Variants in DLG2 observed in about 807,000 individuals in gnomAD.
DLG2 encodes discs large MAGUK scaffold protein 2.
Under a neutral mutation model 132.5 loss-of-function variants are expected in DLG2, and 45 were observed. The observed-to-expected ratio is 0.34, with a 90% CI of 0.27 to 0.44. DLG2 has a LOEUF of 0.44. Among genes scored for constraint, DLG2 ranks in the 20% least tolerant of loss-of-function variants. The pLI, the probability that DLG2 is intolerant of heterozygous loss-of-function variation, is 1.00. For synonymous variants in DLG2, 424 were observed against 419.6 expected (o/e 1.01, Z -0.13); for missense variants, 1,045 against 1,196.9 (o/e 0.87, Z 1.87).
At chr11:85,093,623 G>C (rs1411282372) in intron 6 of DLG2, among the ~76,000 whole-genome samples, 1 of 152,194 alleles carries the variant, frequency 6.6e-6, no homozygotes, top group Non-Finnish European at 1.5e-5. Context: ...GTCTTACCTG[G>C]TGACAGGTGA....
At chr11:83,977,246 G>A (rs1448849818) in intron 12 of DLG2, among the ~76,000 whole-genome samples, 2 of 151,876 alleles carry the variant, frequency 1.3e-5, no homozygotes, top group African/African-American at 4.8e-5. Context: ...TGCTTTTTGA[G>A]AATTTTTTTT....
At chr11:85,532,673 A>G (rs1266062989) in intron 3 of DLG2, among the ~76,000 whole-genome samples, 1 of 152,178 alleles carries the variant, frequency 6.6e-6, no homozygotes, top group Non-Finnish European at 1.5e-5. Context: ...TTTTTAACTT[A>G]ATCTGTTAAT....
At chr11:83,817,306 A>G (rs2049298958) in intron 17 of DLG2, among the ~76,000 whole-genome samples, 1 of 152,200 alleles carries the variant, frequency 6.6e-6, no homozygotes, top group African/African-American at 2.4e-5. Flanking sequence ...TTTAGAGAAT[A>G]TAACAATCTA....
chr11:84,548,998 T>C (rs1350764276), intron 6 of DLG2, among the ~76,000 whole-genome samples: 1 of 152,172 alleles, frequency 6.6e-6, no homozygotes, highest in African/African-American at 2.4e-5. Flanking sequence ...CATGATCAAG[T>C]ATTTGCTTTG....
chr11:85,143,594 T>C (rs1250503074), intron 5 of DLG2, among the ~76,000 whole-genome samples: 1 of 151,820 alleles, frequency 6.6e-6, no homozygotes, highest in Non-Finnish European at 1.5e-5. Context: ...CAATTGCTTT[T>C]GCTATATCCC....
At chr11:84,176,583 G>T (rs1048683610) in intron 8 of DLG2, among the ~76,000 whole-genome samples, 2 of 151,850 alleles carry the variant, frequency 1.3e-5, no homozygotes, top group African/African-American at 4.8e-5. Context: ...GAAAAATGTA[G>T]AAGTTTCTAC....
intron 6 of DLG2, among the ~76,000 whole-genome samples, chr11:85,042,804 C>T (rs2061990270): frequency 6.6e-6 from 1 of 151,768 alleles, no homozygotes; most frequent in African/African-American, 2.4e-5. Flanking sequence ...AAGATAAGCT[C>T]AAAGTCAATT....
intron 18 of DLG2, among the ~76,000 whole-genome samples, chr11:83,638,907 G>A (rs1038978121): frequency 2.0e-5 from 3 of 152,186 alleles, no homozygotes; most frequent in East Asian, 3.8e-4. Flanking sequence ...TCATAGGTGT[G>A]AACACCACAA....
At chr11:84,103,409 GT>G (rs1219620199) in intron 9 of DLG2, among the ~76,000 whole-genome samples, 1 of 152,064 alleles carries the variant, frequency 6.6e-6, no homozygotes, top group African/African-American at 2.4e-5. Flanking sequence ...CAGACCCCTG[GT>G]TGACACTCTT....
intron 6 of DLG2, among the ~76,000 whole-genome samples, chr11:84,820,832 A>T (rs1189631819): frequency 6.6e-6 from 1 of 151,856 alleles, no homozygotes; most frequent in Non-Finnish European, 1.5e-5. Context: ...CACTTCTCAC[A>T]GTACATTGTA....
At chr11:85,255,731 A>C (rs1367311071) in intron 4 of DLG2, among the ~76,000 whole-genome samples, 2 of 152,208 alleles carry the variant, frequency 1.3e-5, no homozygotes, top group Non-Finnish European at 2.9e-5. Flanking sequence ...TTGCATTGGA[A>C]GACAAATTTA....
intron 25 of DLG2, among the ~76,000 whole-genome samples, chr11:83,467,771 GTATATATA>G (rs1192401405): frequency 0.075 from 6,377 of 85,006 alleles, 388 homozygotes; most frequent in African/African-American, 0.088. Context: ...AAAACTATAT[GTATATATA>G]TATATATATA....
intron 6 of DLG2, among the ~76,000 whole-genome samples, chr11:84,592,161 G>A (rs746730265): frequency 2.6e-5 from 4 of 152,128 alleles, no homozygotes; most frequent in South Asian, 2.1e-4. Flanking sequence ...CAGCCAAGTC[G>A]GCAGGAATTT....
chr11:83,724,265 G>A (rs1451336540), intron 18 of DLG2, among the ~76,000 whole-genome samples: 1 of 152,090 alleles, frequency 6.6e-6, no homozygotes, highest in African/African-American at 2.4e-5. Flanking sequence ...AAGTCTGTCT[G>A]GTTCTTTCAC....
intron 8 of DLG2, among the ~76,000 whole-genome samples, chr11:84,215,461 T>C (rs1342578809): frequency 6.6e-6 from 1 of 152,156 alleles, no homozygotes; most frequent in Non-Finnish European, 1.5e-5. Context: ...AAAAATCTTC[T>C]ACAAGTTGAG....
chr11:85,259,924 T>C (rs1440638098), intron 4 of DLG2, among the ~76,000 whole-genome samples: 1 of 152,108 alleles, frequency 6.6e-6, no homozygotes, highest in Non-Finnish European at 1.5e-5. Flanking sequence ...AGGTAGGCCA[T>C]CCAATATGTT....
Position 84,362,958 on chromosome 11 carries a change from T to C in DLG2, c.520-111667A>G, listed in dbSNP as rs1378741200. On this transcript the variant is annotated intron_variant, in intron 7 of 27. Transcript: ENST00000376104. ...AAGTCTTTGCTATTGTGAATAGTGCTGCAATAAACATACATGTGCATGTGT... is the reference window on the plus strand; with the variant it reads ...AAGTCTTTGCTATTGTGAATAGTGCCGCAATAAACATACATGTGCATGTGT... 7.6e-4 allele frequency among the ~76,000 whole-genome samples: 116 copies of C among 152,096 alleles called. 1 individual carries two copies. Among genetic ancestry groups the C allele is most frequent in the South Asian group, 1.7e-3 (8 of 4,820 alleles).
intron 7 of DLG2, among the ~76,000 whole-genome samples, chr11:84,498,009 G>A (rs918787376): frequency 7.9e-5 from 12 of 152,286 alleles, no homozygotes; most frequent in African/African-American, 2.6e-4. Flanking sequence ...ACACATGAAA[G>A]GGCAATAATT....
intron 7 of DLG2, among the ~76,000 whole-genome samples, chr11:84,323,242 T>C (rs2098414511): frequency 6.6e-6 from 1 of 152,140 alleles, no homozygotes; most frequent in Admixed American, 6.5e-5. Context: ...TTCCACTTTC[T>C]ATTTCTTTGA....
Sources: gnomAD v4.1 joint callset for allele counts (sites outside exome capture counted in the v4.1 genomes callset) on GRCh38, gnomAD v4.1.1 for gene constraint, MANE v1.5 for transcripts, NCBI Gene and HGNC (gene_info 2026-07-23, HGNC 2026-07-21) for gene names.